METTL15: variants seen among roughly 807,000 people sequenced by gnomAD.
METTL15 encodes the protein methyltransferase 15, mitochondrial 12S rRNA N4-cytidine.
In METTL15, 34 loss-of-function variants were observed where a neutral mutation model predicts 38.3. That is an observed-to-expected ratio of 0.89 (90% CI 0.68 to 1.18). METTL15 has a LOEUF of 1.18. METTL15 is among the 50% of genes most tolerant of loss of function. The pLI is 0.00. For missense variants in METTL15, 438 were observed against 498.4 expected (o/e 0.88, Z 1.15); for synonymous variants, 162 against 170.9 (o/e 0.95, Z 0.41).
downstream of METTL15, chr11:28,333,638 A>G (rs1466187936): frequency 6.6e-6 from 1 of 151,892 alleles, no homozygotes; most frequent in East Asian, 1.9e-4. Context: ...TAATATCCCT[A>G]TTTTTATTTT....
At chr11:28,354,681 C>T (rs1026558276) in intron 4 of METTL15, among the ~76,000 whole-genome samples, 5 of 152,076 alleles carry the variant, frequency 3.3e-5, no homozygotes, top group African/African-American at 1.2e-4. Context: ...AAGGTCAGGG[C>T]AGTGAATATT....
chr11:28,262,398 A>G (rs1855242206), intron 4 of METTL15, among the ~76,000 whole-genome samples: 1 of 150,968 alleles, frequency 6.6e-6, no homozygotes, highest in African/African-American at 2.4e-5. Context: ...TATAGTATAT[A>G]TATTATATAT....
At chr11:28,337,869 CA>C (rs1213784658), downstream of METTL15, among the ~76,000 whole-genome samples, 1 of 152,060 alleles carries the variant, frequency 6.6e-6, no homozygotes, top group African/African-American at 2.4e-5. Context: ...ACTGCTGACA[CA>C]AGGATATTGC....
chr11:28,263,103 T>C (rs576006465), intron 4 of METTL15, among the ~76,000 whole-genome samples: 27 of 152,210 alleles, frequency 1.8e-4, no homozygotes, highest in African/African-American at 6.5e-4. Flanking sequence ...TATATTTTTT[T>C]AAAATGTGGT....
intron 5 of METTL15, among the ~76,000 whole-genome samples, chr11:28,374,019 A>G (rs1172456763): frequency 2.0e-5 from 3 of 151,794 alleles, no homozygotes; most frequent in Admixed American, 6.6e-5. Context: ...TGTTCCATTG[A>G]TCTGTATCTC....
At chr11:28,445,199 C>T (rs900748652) in intron 6 of METTL15, among the ~76,000 whole-genome samples, 1 of 152,164 alleles carries the variant, frequency 6.6e-6, no homozygotes. Context: ...TCAACATTAA[C>T]GTCCACTTTT....
intron 6 of METTL15, among the ~76,000 whole-genome samples, chr11:28,481,930 C>T (rs781103586): frequency 1.2e-4 from 19 of 152,176 alleles, no homozygotes; most frequent in Non-Finnish European, 2.5e-4. Context: ...GAAAACCCAG[C>T]ATTAAATGTT....
At chr11:28,159,444 C>T (rs927524411) in intron 3 of METTL15, among the ~76,000 whole-genome samples, 1 of 149,352 alleles carries the variant, frequency 6.7e-6, no homozygotes, top group African/African-American at 2.5e-5. Context: ...ATCACTCCAC[C>T]AGGAAAAAAA....
chr11:28,350,819 A>G (rs1175938594), intron 3 of METTL15, among the ~76,000 whole-genome samples: 2 of 152,248 alleles, frequency 1.3e-5, no homozygotes, highest in Non-Finnish European at 2.9e-5. Flanking sequence ...GGGGAAATAA[A>G]TTACATGTAA....
intron 3 of METTL15, among the ~76,000 whole-genome samples, chr11:28,118,726 G>T (rs1183382966): frequency 6.6e-6 from 1 of 152,132 alleles, no homozygotes; most frequent in East Asian, 1.9e-4. Flanking sequence ...AAGGGTACAA[G>T]TACCCCACTA....
intron 5 of METTL15, among the ~76,000 whole-genome samples, chr11:28,372,880 T>C (rs868400316): frequency 6.7e-6 from 1 of 148,500 alleles, no homozygotes. Flanking sequence ...TTTGGTTTTT[T>C]GTTCTTGCGA....
chr11:28,220,447 A>G (rs1291583177), intron 4 of METTL15, among the ~76,000 whole-genome samples: 12 of 152,034 alleles, frequency 7.9e-5, no homozygotes, highest in Non-Finnish European at 1.8e-4. Context: ...TTTTGAGCCT[A>G]TGTGTGTCTC....
At chr11:28,421,815 C>G (rs1850822891) in intron 5 of METTL15, among the ~76,000 whole-genome samples, 2 of 151,952 alleles carry the variant, frequency 1.3e-5, no homozygotes, top group African/African-American at 4.8e-5. Context: ...TGTTATTCAA[C>G]ATAGTACTGT....
At chr11:28,314,788 G>A (rs1250996304) in intron 6 of METTL15, among the ~76,000 whole-genome samples, 2 of 152,150 alleles carry the variant, frequency 1.3e-5, no homozygotes, top group Non-Finnish European at 2.9e-5. Context: ...TTGAATTATG[G>A]GGGCAGGTCT....
intron 3 of METTL15, among the ~76,000 whole-genome samples, chr11:28,140,049 T>C (rs560167006): frequency 6.6e-6 from 1 of 152,256 alleles, no homozygotes; most frequent in Non-Finnish European, 1.5e-5. Context: ...TGTGCAGACA[T>C]GTCCATACAC....
intron 3 of METTL15, among the ~76,000 whole-genome samples, chr11:28,115,469 G>A (rs1238506284): frequency 6.6e-6 from 1 of 151,968 alleles, no homozygotes; most frequent in Non-Finnish European, 1.5e-5. Flanking sequence ...TGTTGGTCAG[G>A]CTGGTCTCGA....
intron 6 of METTL15, among the ~76,000 whole-genome samples, chr11:28,493,236 G>T (rs1302541085): frequency 3.3e-5 from 5 of 152,028 alleles, no homozygotes; most frequent in Non-Finnish European, 7.4e-5. Context: ...GGACCCCAGG[G>T]TTTTTATTGT....
chr11:28,202,519 G>C (rs181472880), intron 3 of METTL15, among the ~76,000 whole-genome samples: 1 of 151,672 alleles, frequency 6.6e-6, no homozygotes, highest in African/African-American at 2.4e-5. Flanking sequence ...GGCCTATAAT[G>C]TAATATCTAC....
intron 6 of METTL15, among the ~76,000 whole-genome samples, chr11:28,467,979 C>T (rs575924114): frequency 6.6e-6 from 1 of 152,144 alleles, no homozygotes; most frequent in African/African-American, 2.4e-5. Context: ...TATTTTGCTA[C>T]TGGACTGTCT....
Sources: gnomAD v4.1 joint callset for allele counts (sites outside exome capture counted in the v4.1 genomes callset) on GRCh38, gnomAD v4.1.1 for gene constraint, MANE v1.5 for transcripts, NCBI Gene and HGNC (gene_info 2026-07-23, HGNC 2026-07-21) for gene names.